FOCAD: variants seen among roughly 807,000 people sequenced by gnomAD.
The protein encoded by FOCAD is KIAA1797.
FOCAD carries 198 observed loss-of-function variants against 225.6 expected under a neutral mutation model. The observed-to-expected ratio is 0.88, with a 90% confidence interval of 0.78 to 0.99. The LOEUF (loss-of-function observed/expected upper bound fraction) is 0.99, where lower values mean the gene tolerates loss of function less well. FOCAD is among the 50% of genes least tolerant of loss of function. FOCAD has a pLI of 0.00. For synonymous variants in FOCAD, 897 were observed against 755.0 expected, an observed-to-expected ratio of 1.19 and a Z score of -3.08; for missense variants, 2,713 against 2,123.6, an observed-to-expected ratio of 1.28 and a Z score of -5.46.
Position 20,918,885 on chromosome 9 carries a change from T to C in FOCAD, c.2852+1948T>C, listed in dbSNP as rs561553014. On this transcript the variant is annotated intron_variant, in intron 24 of 43. Coordinates refer to ENST00000338382, the MANE Select transcript of FOCAD (RefSeq NM_001375567.1). ...GAAAAAATCATTCTGTCACCCTCTC[T>C]GCTTCTTCCCACTGGCTTCCTCCAA... 1.6e-4 allele frequency among the ~76,000 whole-genome samples: 24 copies of C among 152,312 alleles called. 1 individual carries two copies. The South Asian group carries it at 5.0e-3, about 32-fold the overall frequency.
At chr9:20,979,034 G>T (rs571000184) in intron 37 of FOCAD, among the ~76,000 whole-genome samples, 1 of 152,276 alleles carries the variant, frequency 6.6e-6, no homozygotes, top group Admixed American at 6.5e-5. Context: ...TGATAGAGGG[G>T]GCTAGCACCT....
chr9:20,940,031 A>G (rs978447287), intron 28 of FOCAD, among the ~76,000 whole-genome samples: 1 of 151,824 alleles, frequency 6.6e-6, no homozygotes, highest in East Asian at 1.9e-4. Flanking sequence ...ATTCCCACCT[A>G]TGACTGAGAA....
At chr9:20,820,852 T>G in intron 13 of FOCAD, 89 bp from the exon 14 acceptor site, 2 of 1,402,610 alleles carry the variant, frequency 1.4e-6, no homozygotes, top group African/African-American at 1.4e-5. Context: ...AAATGGAGGA[T>G]TTGGAGGTGA....
At position 20,907,407 on chromosome 9, in the gene FOCAD, G is replaced by A. The variant is rs940625988; in HGVS notation, c.2718+165G>A. ...ATGTGAGGCATATATATATAGCATTGCTGCACTTAAACATCAATGCCCCCC... is the reference window on the plus strand; with the variant it reads ...ATGTGAGGCATATATATATAGCATTACTGCACTTAAACATCAATGCCCCCC... On this transcript the variant is annotated intron_variant, in intron 22 of 43. Transcript: ENST00000338382. Among the ~76,000 whole-genome samples the A allele has an allele frequency of 6.6e-5, 10 of 151,904 alleles. 1 individual carries two copies. In the East Asian group the frequency reaches 1.7e-3, roughly 27 times the overall value.
chr9:20,681,681 T>G (rs1469301907), upstream of FOCAD, among the ~76,000 whole-genome samples: 1 of 152,216 alleles, frequency 6.6e-6, no homozygotes, highest in South Asian at 2.1e-4. Flanking sequence ...AATACGTCTT[T>G]CATCTTGGTA....
At chr9:20,849,192 C>T (rs1406802282) in intron 15 of FOCAD, among the ~76,000 whole-genome samples, 1 of 151,882 alleles carries the variant, frequency 6.6e-6, no homozygotes, top group Non-Finnish European at 1.5e-5. Context: ...TAGACATCTC[C>T]CTCCTTTCCT....
At chr9:20,680,445 C>G (rs1408185351), upstream of FOCAD, among the ~76,000 whole-genome samples, 3 of 152,192 alleles carry the variant, frequency 2.0e-5, no homozygotes, top group Non-Finnish European at 4.4e-5. Flanking sequence ...GTAGTCCCAG[C>G]TACTTGGGAG....
chr9:20,961,298 A>G (rs529488356), intron 35 of FOCAD, among the ~76,000 whole-genome samples: 2 of 152,212 alleles, frequency 1.3e-5, no homozygotes, highest in East Asian at 1.9e-4. Flanking sequence ...TAACTTGTCC[A>G]ATAAATTGAA....
intron 21 of FOCAD, among the ~76,000 whole-genome samples, chr9:20,899,310 A>G (rs1832370046): frequency 6.6e-6 from 1 of 151,898 alleles, no homozygotes; most frequent in South Asian, 2.1e-4. Context: ...GTACACCTAG[A>G]GTTTTTAATT....
chr9:20,931,010 A>G (rs1384356744), intron 27 of FOCAD, among the ~76,000 whole-genome samples: 1 of 152,212 alleles, frequency 6.6e-6, no homozygotes, highest in African/African-American at 2.4e-5. Flanking sequence ...GCAACTAAAA[A>G]TGAGCCGTAG....
intron 21 of FOCAD, among the ~76,000 whole-genome samples, chr9:20,891,440 A>G (rs1831606615): frequency 6.6e-6 from 1 of 152,224 alleles, no homozygotes; most frequent in African/African-American, 2.4e-5. Flanking sequence ...AATGCAAAGA[A>G]AAGGTTCTTG....
At chr9:20,739,806 G>C (rs1426567891) in intron 4 of FOCAD, among the ~76,000 whole-genome samples, 1 of 152,040 alleles carries the variant, frequency 6.6e-6, no homozygotes, top group Non-Finnish European at 1.5e-5. Flanking sequence ...TTTCGATGGG[G>C]GTTATTTGCT....
chr9:20,659,905 T>G (rs193001988), intron 2 of FOCAD, among the ~76,000 whole-genome samples: 1 of 152,252 alleles, frequency 6.6e-6, no homozygotes, highest in East Asian at 1.9e-4. Flanking sequence ...ATATGAGAGA[T>G]AGCTCAGAGG....
At chr9:20,844,356 T>TA (rs999907668) in intron 15 of FOCAD, among the ~76,000 whole-genome samples, 1 of 125,588 alleles carries the variant, frequency 8.0e-6, no homozygotes, top group African/African-American at 3.0e-5. Context: ...TTCCTTTTTT[T>TA]TTTTTTTTTT....
rs1442358814 is a variant in FOCAD, at chr9:20,933,114, C to A, written c.3407+11C>A. On this transcript the variant is annotated intron_variant, in intron 28 of 43. Coordinates refer to ENST00000338382, the MANE Select transcript of FOCAD (RefSeq NM_001375567.1). ...TAGTCTTGAATACAAGTATGTTGTTCCTATTTCCACTCTCACAGGTACTTA... is the reference window on the plus strand; with the variant it reads ...TAGTCTTGAATACAAGTATGTTGTTACTATTTCCACTCTCACAGGTACTTA... 1 of 1,595,104 alleles carries A rather than the reference C, an allele frequency of 6.3e-7. No homozygotes were observed. Among genetic ancestry groups the A allele is most frequent in the East Asian group, 2.2e-5 (1 of 44,710 alleles).
chr9:20,917,576 A>C (rs1833979592), intron 24 of FOCAD, among the ~76,000 whole-genome samples: 1 of 152,092 alleles, frequency 6.6e-6, no homozygotes, highest in Non-Finnish European at 1.5e-5. Context: ...CCTGGCAGTA[A>C]GTTACATGCC....
At chr9:20,669,077 A>G (rs879535064) in intron 2 of FOCAD, among the ~76,000 whole-genome samples, 1 of 152,144 alleles carries the variant, frequency 6.6e-6, no homozygotes, top group Non-Finnish European at 1.5e-5. Context: ...CTGCTCTTGG[A>G]TATTTAATTC....
chr9:20,769,804 C>T (rs1818004906), intron 7 of FOCAD, among the ~76,000 whole-genome samples: 1 of 152,148 alleles, frequency 6.6e-6, no homozygotes, highest in Admixed American at 6.5e-5. Flanking sequence ...AAATTTGTAC[C>T]AGCCAGCAGT....
chr9:20,788,553 G>A (rs979369551), intron 10 of FOCAD, among the ~76,000 whole-genome samples: 2 of 151,984 alleles, frequency 1.3e-5, no homozygotes, highest in Non-Finnish European at 2.9e-5. Flanking sequence ...ATTCATATAA[G>A]TCAGCCTCTA....
Sources: allele counts gnomAD v4.1 joint callset (sites outside exome capture counted in the v4.1 genomes callset), GRCh38; gene constraint gnomAD v4.1.1; transcripts MANE v1.5; gene names NCBI Gene and HGNC (gene_info 2026-07-23, HGNC 2026-07-21).